The following TENM1 variants were observed in gnomAD, a reference collection of about 807,000 sequenced individuals.
TENM1 encodes teneurin-1.
A neutral mutation model predicts 174.8 loss-of-function variants in TENM1; 35 were observed. The observed-to-expected ratio is 0.20, with a 90% CI of 0.15 to 0.27. The LOEUF (loss-of-function observed/expected upper bound fraction) is 0.27, where lower values mean the gene tolerates loss of function less well. Ranked by LOEUF, TENM1 falls within the 10% of genes least tolerant of loss-of-function variation. TENM1 has a pLI of 1.00. For synonymous variants in TENM1, 781 were observed against 798.7 expected (o/e 0.98, Z 0.37); for missense variants, 1,633 against 2,130.1 (o/e 0.77, Z 4.59).
At chrX:125,111,598 T>C in the TENM1 span, among the ~76,000 whole-genome samples, 3 of 111,828 alleles carry the variant, frequency 2.7e-5, no homozygotes, top group East Asian at 2.8e-4. Flanking sequence ...TTTATCCTTA[T>C]ATTAACATTC....
chrX:124,702,956 A>G (rs749635880), intron 5 of TENM1, among the ~76,000 whole-genome samples: 1 of 112,062 alleles, frequency 8.9e-6, no homozygotes, highest in South Asian at 3.8e-4. Context: ...AGATACAGCC[A>G]TGAACAAAAT....
At chrX:125,092,152 G>C in the TENM1 span, among the ~76,000 whole-genome samples, 11 of 110,566 alleles carry the variant, frequency 9.9e-5, no homozygotes, top group Non-Finnish European at 2.1e-4. Context: ...CCGCACCCTT[G>C]TATATAAATT....
intron 23 of TENM1, among the ~76,000 whole-genome samples, chrX:124,449,939 A>C (rs930375927): frequency 1.8e-5 from 2 of 110,751 alleles, no homozygotes; most frequent in Non-Finnish European, 3.8e-5. Context: ...AGAGTCAATG[A>C]CTAAAGCAAG....
At chrX:125,092,703 TA>T in the TENM1 span, among the ~76,000 whole-genome samples, 6 of 111,600 alleles carry the variant, frequency 5.4e-5, no homozygotes, top group African/African-American at 2.0e-4. Flanking sequence ...AAGGAACAGA[TA>T]TGGAACAGAA....
intron 20 of TENM1, among the ~76,000 whole-genome samples, chrX:124,489,330 G>A (rs2047016822): frequency 8.9e-6 from 1 of 112,565 alleles, no homozygotes; most frequent in Non-Finnish European, 1.9e-5. Flanking sequence ...GGTGATGAAA[G>A]GGTCATGTAC....
the TENM1 span, among the ~76,000 whole-genome samples, chrX:125,196,019 A>T: frequency 9.5e-6 from 1 of 104,977 alleles, no homozygotes; most frequent in African/African-American, 3.5e-5. Context: ...GGAACGAAGG[A>T]AGGAAGGAAG....
chrX:125,057,712 GA>G, the TENM1 span, among the ~76,000 whole-genome samples: 1 of 111,059 alleles, frequency 9.0e-6, no homozygotes, highest in Non-Finnish European at 1.9e-5. Flanking sequence ...CCTGGCAAAG[GA>G]AAAAATATCT....
In TENM1 at chrX:124,801,267, A is replaced by G. The variant is rs1473534449; in HGVS notation, c.536-64070T>C. On this transcript the variant is annotated intron_variant, in intron 3 of 31. Transcript: ENST00000422452. ...TAGGTCTCTAAGAACTTGTTTTATGAATCTTGGTGTATTGGGTGTATATAC... is the reference window on the plus strand; with the variant it reads ...TAGGTCTCTAAGAACTTGTTTTATGGATCTTGGTGTATTGGGTGTATATAC... Among the ~76,000 whole-genome samples, 3 of 111,638 alleles carry G rather than the reference A, an allele frequency of 2.7e-5. 1 individual carries two copies. The highest frequency in any genetic ancestry group is 5.6e-5 in the Non-Finnish European group (3 of 53,121).
chrX:124,732,725 G>A (rs994869030), intron 4 of TENM1, among the ~76,000 whole-genome samples: 1 of 111,893 alleles, frequency 8.9e-6, no homozygotes, highest in Non-Finnish European at 1.9e-5. Context: ...ATGTGGTACA[G>A]TGGAGAAAAG....
chrX:125,031,145 G>A, the TENM1 span, among the ~76,000 whole-genome samples: 8,224 of 109,554 alleles, frequency 0.075, 263 homozygotes, highest in South Asian at 0.2. Context: ...AGTGTCCATT[G>A]TTCTCATCTT....
chrX:124,449,426 G>GTGA (rs1240828268), intron 23 of TENM1, among the ~76,000 whole-genome samples: 1 of 112,216 alleles, frequency 8.9e-6, no homozygotes, highest in Non-Finnish European at 1.9e-5. Context: ...CCTTCTCATG[G>GTGA]TGATGATGAT....
At chrX:124,969,166 T>C in the TENM1 span, among the ~76,000 whole-genome samples, 1 of 112,476 alleles carries the variant, frequency 8.9e-6, no homozygotes, top group South Asian at 3.7e-4. Flanking sequence ...TATATTATTT[T>C]GATAATGATA....
chrX:125,079,893 C>T, the TENM1 span, among the ~76,000 whole-genome samples: 5 of 111,588 alleles, frequency 4.5e-5, no homozygotes, highest in Admixed American at 4.8e-4. Context: ...AACCCCATTA[C>T]TCGCCTCCAA....
At chrX:124,395,574 ACTCTTTATACCAT>A (rs2060324172) in intron 27 of TENM1, among the ~76,000 whole-genome samples, 2 of 111,114 alleles carry the variant, frequency 1.8e-5, no homozygotes, top group Non-Finnish European at 3.8e-5. Flanking sequence ...GGGACTCTTG[ACTCTTTATACCAT>A]CTGTGGCCAA....
chrX:124,470,820 T>C, intron 22 of TENM1, among the ~76,000 whole-genome samples: 1 of 109,539 alleles, frequency 9.1e-6, no homozygotes, highest in Admixed American at 1.0e-4. Flanking sequence ...TGGAGAGCTG[T>C]CATCTATGAA....
At chrX:125,030,424 G>C in the TENM1 span, among the ~76,000 whole-genome samples, 1 of 111,944 alleles carries the variant, frequency 8.9e-6, no homozygotes, top group African/African-American at 3.2e-5. Flanking sequence ...AAGACAAAAA[G>C]ACATTACATT....
rs1249748984 is a variant in TENM1, at chrX:124,678,847, T to C, written c.1016-7012A>G. ...TATTGAAATATCTTTATAGTGCTAC[T>C]GTCAGGAGACAGGACCCCTTTTCAT... On this transcript the variant is annotated intron_variant, in intron 5 of 31. Transcript: ENST00000422452. 2.7e-5 allele frequency among the ~76,000 whole-genome samples: 3 copies of C among 111,745 alleles called. No individual in the cohort carries two copies. In the East Asian group the frequency reaches 8.4e-4, roughly 31 times the overall value.
rs559118579 is a variant in TENM1, at chrX:124,691,210, T to G, written c.1015+13803A>C. ...TACTAAGTAAAGTTCAAATTTTGTG[T>G]TTTTGTCCTTAGAATATATTCCCCT... On this transcript the variant is annotated intron_variant, in intron 5 of 31. Coordinates refer to ENST00000422452, the Ensembl canonical transcript of TENM1. Among the ~76,000 whole-genome samples, 13 of 111,785 alleles carry G rather than the reference T, an allele frequency of 1.2e-4. No homozygotes were observed. The South Asian group carries it at 4.8e-3, about 42-fold the overall frequency.
intron 4 of TENM1, among the ~76,000 whole-genome samples, chrX:124,722,570 G>A (rs1361866724): frequency 9.0e-6 from 1 of 111,094 alleles, no homozygotes; most frequent in African/African-American, 3.3e-5. Flanking sequence ...GCCAGGCGTG[G>A]TGGCTCACGC....
Sources: gnomAD v4.1 joint callset for allele counts (sites outside exome capture counted in the v4.1 genomes callset) on GRCh38, gnomAD v4.1.1 for gene constraint, MANE v1.5 for transcripts, NCBI Gene and HGNC (gene_info 2026-07-23, HGNC 2026-07-21) for gene names.